ACSL6: variants seen among roughly 807,000 people sequenced by gnomAD.
ACSL6 encodes long-chain-fatty-acid--CoA ligase 6.
In ACSL6, 47 loss-of-function variants were observed where a neutral mutation model predicts 98.2. That is an observed-to-expected ratio of 0.48 (90% CI 0.38 to 0.61). ACSL6 has a LOEUF of 0.61. Among genes scored for constraint, ACSL6 ranks in the 20% least tolerant of loss-of-function variants. The probability of loss-of-function intolerance (pLI) is 0.00; values close to 1 mark genes in which losing one functional copy is unlikely to be tolerated. For synonymous variants in ACSL6, 362 were observed against 336.9 expected (o/e 1.07, Z -0.82); for missense variants, 761 against 913.4 (o/e 0.83, Z 2.15).
At chr5:131,999,793 C>G (rs1015655537) in intron 1 of ACSL6, among the ~76,000 whole-genome samples, 36 of 152,310 alleles carry the variant, frequency 2.4e-4, no homozygotes, top group African/African-American at 8.2e-4. Context: ...AGCCAAGCAA[C>G]CCAGCCTTAA....
In ACSL6 at chr5:131,994,136, G is replaced by A. The variant is rs1041839839; in HGVS notation, c.165C>T (p.Leu55=). 26 of 1,614,096 alleles carry A rather than the reference G, an allele frequency of 1.6e-5. No homozygotes were observed. The highest frequency in any genetic ancestry group is 2.7e-5 in the African/African-American group (2 of 74,942). ...QFFRSLSATT[L]VSMGALAAIL... ...TGGCAGCCAGGGCACCCATACTCAC[G>A]AGGGTGGTGGCCGAGAGGCTGCGGA... Residue 55 remains leucine, a synonymous_variant, in exon 2 of 21, where the codon CTC becomes CTT. Coordinates refer to ENST00000651883, the MANE Select transcript of ACSL6 (RefSeq NM_001009185.3).
In ACSL6 at chr5:131,974,943, C is replaced by T. The variant is rs1439928848; in HGVS notation, c.1018G>A (p.Val340Met). 6.2e-7 allele frequency: 1 copy of T among 1,614,104 alleles called. No homozygotes were observed. Among genetic ancestry groups the T allele is most frequent in the Admixed American group, 1.7e-5 (1 of 60,018 alleles). The change falls in exon 11 of 21, where the codon GTG (valine) becomes ATG (methionine). Residue 340 changes from valine (V) to methionine (M), a missense_variant. Coordinates refer to ENST00000651883, the MANE Select transcript of ACSL6 (RefSeq NM_001009185.3). ...GCCAGAGGCAGGAAGGAGATGAGCA[C>T]ATCGTCCTGTCTCGGAAAGATCACT... is the stretch of plus-strand genomic sequence containing the variant. ...EKVIFPRQDD[V>M]LISFLPLAHM...
chr5:131,966,284 C>A (rs1386725727), intron 17 of ACSL6, 132 bp downstream of exon 17: 6 of 816,540 alleles, frequency 7.3e-6, no homozygotes, highest in African/African-American at 3.4e-5. Context: ...GAGCCTCCCC[C>A]CAGGCCCCAG....
chr5:131,970,208 C>T lies in ACSL6; in HGVS notation c.1435-8G>A, dbSNP rs1561783449. On this transcript the variant is annotated splice_polypyrimidine_tract_variant and splice_region_variant and intron_variant, in intron 14 of 20. Coordinates refer to ENST00000651883, the MANE Select transcript of ACSL6 (RefSeq NM_001009185.3). ...GCCATAACCTTCATAAACCTTCAAA[C>T]AAAACACAGAAGCCACACTATGGGC... The T allele has an allele frequency of 6.2e-7, 1 of 1,613,914 alleles. No individual in the cohort carries two copies. Among genetic ancestry groups the T allele is most frequent in the Non-Finnish European group, 8.5e-7 (1 of 1,179,930 alleles).
intron 18 of ACSL6, chr5:131,960,859 A>C (rs1361600494): frequency 2.6e-6 from 1 of 384,904 alleles, no homozygotes. Flanking sequence ...AGTTAGACTG[A>C]TATGCACCTT....
chr5:131,967,774 C>T (rs1753095764), intron 16 of ACSL6, among the ~76,000 whole-genome samples, 166 bp downstream of exon 16: 1 of 151,914 alleles, frequency 6.6e-6, no homozygotes, highest in Non-Finnish European at 1.5e-5. Flanking sequence ...TCTTGGTTGC[C>T]TCATAAACAG....
intron 9 of ACSL6, chr5:131,984,840 C>G (rs955380526): frequency 2.4e-5 from 4 of 163,796 alleles, no homozygotes; most frequent in African/African-American, 9.5e-5. Context: ...CCAGCCCCAG[C>G]CTGCAGAGCA....
At chr5:131,997,792 G>A (rs989521833) in intron 1 of ACSL6, among the ~76,000 whole-genome samples, 1 of 152,180 alleles carries the variant, frequency 6.6e-6, no homozygotes, top group Non-Finnish European at 1.5e-5. Context: ...TGACCTTGAG[G>A]CTGGGCCTGT....
At chr5:131,975,348 A>G in intron 10 of ACSL6, 1 of 985,424 alleles carries the variant, frequency 1.0e-6, no homozygotes, top group Non-Finnish European at 1.2e-6. Flanking sequence ...ACTTGCAGTC[A>G]GTCGGCTCTA....
intron 17 of ACSL6, 110 bp from the exon 18 acceptor site, chr5:131,962,788 G>A (rs1238102231): frequency 1.0e-5 from 13 of 1,263,520 alleles, no homozygotes; most frequent in African/African-American, 3.0e-5. Flanking sequence ...ACCCCACCCC[G>A]ATTTCTTTTC....
In ACSL6 at chr5:131,992,295, G is replaced by A. The variant is rs564300866; in HGVS notation, c.271-1328C>T. ...ATCTGGACTTGAGGTTGAGGGTAAT[G>A]GGGAGCCAGGAAAGGGTTTTAGGCC... is the stretch of plus-strand genomic sequence containing the variant. On this transcript the variant is annotated intron_variant, in intron 2 of 20. Transcript: ENST00000651883. Among the ~76,000 whole-genome samples the A allele has an allele frequency of 3.9e-5, 6 of 152,308 alleles. No individual in the cohort carries two copies. In the South Asian group the frequency reaches 1.2e-3, roughly 32 times the overall value.
chr5:131,970,261 C>T (rs1232670872), intron 14 of ACSL6, 61 bp from the exon 15 acceptor site: 2 of 1,512,008 alleles, frequency 1.3e-6, no homozygotes, highest in African/African-American at 2.7e-5. Flanking sequence ...TAACTGGCCA[C>T]CCCTTCCAGA....
chr5:131,987,101 T>C (rs943660840), intron 7 of ACSL6, among the ~76,000 whole-genome samples: 1 of 152,122 alleles, frequency 6.6e-6, no homozygotes, highest in African/African-American at 2.4e-5. Flanking sequence ...ATGGCAGACA[T>C]GACCTCAGTG....
chr5:131,975,141 T>TGA, intron 10 of ACSL6, 171 bp from the exon 11 acceptor site: 2 of 1,333,626 alleles, frequency 1.5e-6, no homozygotes, highest in Non-Finnish European at 9.7e-7. Flanking sequence ...AGAGAAGAAA[T>TGA]GAGAGAGAGA....
At chr5:131,960,851 T>A (rs1752668477) in intron 18 of ACSL6, 1 of 431,982 alleles carries the variant, frequency 2.3e-6, no homozygotes, top group African/African-American at 2.0e-5. Flanking sequence ...ATCAGTAAAG[T>A]TAGACTGATA....
intron 19 of ACSL6, chr5:131,959,885 G>T: frequency 2.1e-6 from 1 of 465,540 alleles, no homozygotes; most frequent in Non-Finnish European, 3.9e-6. Flanking sequence ...GGTGAGTCTT[G>T]CTACCCCTAG....
rs573864779 is a variant in ACSL6, at chr5:131,993,591, G to A, written c.270+440C>T. Among the ~76,000 whole-genome samples the A allele has an allele frequency of 5.3e-5, 8 of 152,190 alleles. No homozygotes were observed. In the South Asian group the frequency reaches 8.3e-4, roughly 16 times the overall value. ...ACCCTTGTCCACTGGCCCTTGTATC[G>A]TCTTCCCCTTGGTGGCACCATGTGT... On this transcript the variant is annotated intron_variant, in intron 2 of 20. Coordinates refer to ENST00000651883, the MANE Select transcript of ACSL6 (RefSeq NM_001009185.3).
intron 1 of ACSL6, among the ~76,000 whole-genome samples, chr5:132,004,352 C>T (rs539222825): frequency 8.9e-4 from 135 of 152,256 alleles, no homozygotes; most frequent in African/African-American, 3.2e-3. Context: ...CTCAGACTCC[C>T]ACTACCAGGA....
chr5:132,009,728 T>C (rs1415703495), intron 1 of ACSL6, among the ~76,000 whole-genome samples: 1 of 152,084 alleles, frequency 6.6e-6, no homozygotes, highest in Non-Finnish European at 1.5e-5. Context: ...AGCTGACCAC[T>C]TTAGGAAATG....
Sources: allele counts gnomAD v4.1 joint callset (sites outside exome capture counted in the v4.1 genomes callset), GRCh38; gene constraint gnomAD v4.1.1; transcripts MANE v1.5; gene names NCBI Gene and HGNC (gene_info 2026-07-23, HGNC 2026-07-21).